LINGO2: variants seen among roughly 807,000 people sequenced by gnomAD.
LINGO2 encodes leucine-rich repeat and immunoglobulin-like domain-containing nogo receptor-interacting protein 2.
Under a neutral mutation model 30.6 loss-of-function variants are expected in LINGO2, and 14 were observed. That is an observed-to-expected ratio of 0.46 (90% confidence interval 0.30 to 0.72). The LOEUF is 0.72. Ranked by LOEUF, LINGO2 falls within the 30% of genes least tolerant of loss-of-function variation. The pLI, the probability that LINGO2 is intolerant of heterozygous loss-of-function variation, is 0.07. For missense variants in LINGO2, 729 were observed against 751.7 expected, an observed-to-expected ratio of 0.97 and a Z score of 0.35; for synonymous variants, 317 against 288.5, an observed-to-expected ratio of 1.10 and a Z score of -1.00.
the LINGO2 span, among the ~76,000 whole-genome samples, chr9:28,819,381 C>T: frequency 6.6e-6 from 1 of 152,172 alleles, no homozygotes; most frequent in African/African-American, 2.4e-5. Flanking sequence ...GCAGCTATAT[C>T]TCTTCCTCTA....
the LINGO2 span, among the ~76,000 whole-genome samples, chr9:28,857,531 A>G: frequency 1.3e-5 from 2 of 152,082 alleles, no homozygotes; most frequent in African/African-American, 4.8e-5. Flanking sequence ...TCGAGAGCCC[A>G]TGCTCATAAC....
chr9:28,925,775 T>C, the LINGO2 span, among the ~76,000 whole-genome samples: 2 of 152,226 alleles, frequency 1.3e-5, no homozygotes, highest in African/African-American at 2.4e-5. Context: ...AAGTCAGCTA[T>C]AGAAGACAAA....
the LINGO2 span, among the ~76,000 whole-genome samples, chr9:29,004,159 T>A: frequency 2.6e-5 from 4 of 151,950 alleles, no homozygotes; most frequent in Non-Finnish European, 5.9e-5. Flanking sequence ...ATATGTTAGG[T>A]CTATTTTCTT....
At chr9:28,034,591 GATA>G (rs973435190) in intron 4 of LINGO2, among the ~76,000 whole-genome samples, 2 of 152,086 alleles carry the variant, frequency 1.3e-5, no homozygotes, top group African/African-American at 4.8e-5. Context: ...AGAAAACGAG[GATA>G]ATATCTCTTG....
intron 1 of LINGO2, among the ~76,000 whole-genome samples, chr9:28,561,747 G>GTATATATA (rs1483882981): frequency 2.8e-5 from 1 of 35,850 alleles, no homozygotes; most frequent in African/African-American, 1.4e-4. Context: ...GTGTGTGTGT[G>GTATATATA]TGTATATATA....
chr9:28,359,898 G>C (rs1820373818), intron 3 of LINGO2, among the ~76,000 whole-genome samples: 1 of 152,140 alleles, frequency 6.6e-6, no homozygotes, highest in Admixed American at 6.6e-5. Flanking sequence ...TACCCTAGGG[G>C]CTGAGGCAGT....
the LINGO2 span, among the ~76,000 whole-genome samples, chr9:28,876,246 A>T: frequency 9.2e-5 from 14 of 151,708 alleles, no homozygotes; most frequent in South Asian, 2.1e-4. Context: ...TATTATTATT[A>T]TTTTTATTTT....
At chr9:29,002,254 C>G in the LINGO2 span, among the ~76,000 whole-genome samples, 2 of 151,766 alleles carry the variant, frequency 1.3e-5, no homozygotes, top group African/African-American at 2.4e-5. Context: ...CTATTGTATC[C>G]CTTGATTATA....
intron 1 of LINGO2, among the ~76,000 whole-genome samples, chr9:28,512,636 T>TATATACAC (rs1443255782): frequency 1.6e-4 from 1 of 6,172 alleles, no homozygotes; most frequent in African/African-American, 3.5e-4. Flanking sequence ...TATATATATA[T>TATATACAC]ACACACATAC....
rs556168533 is a variant in LINGO2 at position 28,255,674 on chromosome 9, T to C, written c.-87+39534A>G. ...CTGACATGCTTCAGTGGAATAAACA[T>C]TCATCTTTGACTTAGCTTCACATGA... is the stretch of plus-strand genomic sequence containing the variant. On this transcript the variant is annotated intron_variant, in intron 4 of 5. Coordinates refer to ENST00000379992, the Ensembl canonical transcript of LINGO2. 6.6e-5 allele frequency among the ~76,000 whole-genome samples: 10 copies of C among 152,246 alleles called. No homozygotes were observed. The South Asian group carries it at 2.1e-3, about 32-fold the overall frequency.
chr9:28,924,569 A>T, the LINGO2 span, among the ~76,000 whole-genome samples: 1 of 152,054 alleles, frequency 6.6e-6, no homozygotes, highest in Admixed American at 6.6e-5. Flanking sequence ...CAAACAAACA[A>T]AACCTGGTTT....
At chr9:28,988,227 T>C in the LINGO2 span, among the ~76,000 whole-genome samples, 1 of 152,206 alleles carries the variant, frequency 6.6e-6, no homozygotes. Context: ...TGGGTGCATA[T>C]ATATTTACAA....
At chr9:28,675,918 TATATATACATACACACACACACAC>T in the LINGO2 span, among the ~76,000 whole-genome samples, 4 of 133,790 alleles carry the variant, frequency 3.0e-5, no homozygotes, top group Admixed American at 7.5e-5. Flanking sequence ...TATATATATA[TATATATACATACACACACACACAC>T]ACACACACAG....
chr9:28,488,033 T>TGACATCTA (rs1402555387), intron 1 of LINGO2, among the ~76,000 whole-genome samples: 27 of 152,210 alleles, frequency 1.8e-4, no homozygotes, highest in South Asian at 2.1e-4. Context: ...ATAGCCCTGC[T>TGACATCTA]GACATCTATT....
chr9:27,953,073 C>A (rs973027289), intron 5 of LINGO2, among the ~76,000 whole-genome samples: 4 of 151,792 alleles, frequency 2.6e-5, no homozygotes, highest in African/African-American at 9.7e-5. Context: ...TATTAGTAAG[C>A]AAAAGAAATG....
At chr9:28,591,031 C>T (rs62560669) in intron 1 of LINGO2, among the ~76,000 whole-genome samples, 4 of 151,914 alleles carry the variant, frequency 2.6e-5, no homozygotes, top group South Asian at 2.1e-4. Flanking sequence ...AGCTGGAAAC[C>T]ATCATTCTCA....
chr9:28,952,542 T>C, the LINGO2 span, among the ~76,000 whole-genome samples: 1 of 152,138 alleles, frequency 6.6e-6, no homozygotes, highest in Non-Finnish European at 1.5e-5. Flanking sequence ...CCCACTAAAA[T>C]GTAGAGGAAT....
In LINGO2 at chr9:28,425,118, T is replaced by A. The variant is rs183141689; in HGVS notation, c.-279+50822A>T. Among the ~76,000 whole-genome samples the A allele has an allele frequency of 2.6e-4, 40 of 151,682 alleles. No homozygotes were observed. In the East Asian group the frequency reaches 7.6e-3, roughly 29 times the overall value. On this transcript the variant is annotated intron_variant, in intron 2 of 5. Coordinates refer to ENST00000379992, the Ensembl canonical transcript of LINGO2. Reference sequence around the variant, plus strand: ...TTAATACATAATTAATACATAATTTTCAACTTCTTTAACTCCCATGGTTTC... The same window carrying A: ...TTAATACATAATTAATACATAATTTACAACTTCTTTAACTCCCATGGTTTC...
At chr9:28,481,715 T>C (rs550147163) in intron 1 of LINGO2, among the ~76,000 whole-genome samples, 32 of 152,282 alleles carry the variant, frequency 2.1e-4, no homozygotes, top group African/African-American at 7.5e-4. Flanking sequence ...GCTGGTGCGC[T>C]GCACCCACTA....
Sources: gnomAD v4.1 joint callset for allele counts (sites outside exome capture counted in the v4.1 genomes callset) on GRCh38, gnomAD v4.1.1 for gene constraint, MANE v1.5 for transcripts, NCBI Gene and HGNC (gene_info 2026-07-23, HGNC 2026-07-21) for gene names.